The following PIK3CB variants were observed in gnomAD, a reference collection of about 807,000 sequenced individuals.
PIK3CB encodes phosphatidylinositol-4,5-bisphosphate 3-kinase catalytic subunit beta.
In PIK3CB, 39 loss-of-function variants were observed where a neutral mutation model predicts 136.8. The observed-to-expected ratio is 0.29, with a 90% confidence interval of 0.22 to 0.37. The LOEUF is 0.37. PIK3CB is among the 10% of genes least tolerant of loss of function. PIK3CB has a pLI of 1.00. For missense variants in PIK3CB, 868 were observed against 1,275.4 expected (o/e 0.68, Z 4.87); for synonymous variants, 428 against 436.6 (o/e 0.98, Z 0.25).
intron 4 of PIK3CB, among the ~76,000 whole-genome samples, chr3:138,747,856 A>C (rs994154089): frequency 6.6e-6 from 1 of 152,192 alleles, no homozygotes; most frequent in African/African-American, 2.4e-5. Context: ...TTGCTGAAGG[A>C]TGGGTTGTAC....
intron 15 of PIK3CB, among the ~76,000 whole-genome samples, chr3:138,690,085 TAAG>T (rs138688762): frequency 0.031 from 4,631 of 150,590 alleles, 89 homozygotes; most frequent in South Asian, 0.058. Context: ...AAGTTAAAAA[TAAG>T]AAAAGGTTCT....
intron 16 of PIK3CB, among the ~76,000 whole-genome samples, chr3:138,687,587 G>A (rs914701124): frequency 3.3e-5 from 5 of 151,878 alleles, no homozygotes; most frequent in African/African-American, 7.3e-5. Context: ...CTCCCACCTC[G>A]GCCTCTCAAG....
chr3:138,732,929 G>A (rs1243035587), intron 8 of PIK3CB, among the ~76,000 whole-genome samples: 1 of 151,526 alleles, frequency 6.6e-6, no homozygotes, highest in Non-Finnish European at 1.5e-5. Flanking sequence ...TACTCTCCTA[G>A]CAAATTCCTG....
chr3:138,752,700 C>G (rs570381841), intron 4 of PIK3CB, among the ~76,000 whole-genome samples: 1 of 151,062 alleles, frequency 6.6e-6, no homozygotes, highest in Non-Finnish European at 1.5e-5. Flanking sequence ...TAGAGTGAGA[C>G]CTCGTCTCAA....
chr3:138,705,119 C>T (rs395666), intron 11 of PIK3CB, among the ~76,000 whole-genome samples: 1 of 124,160 alleles, frequency 8.1e-6, no homozygotes, highest in African/African-American at 3.1e-5. Context: ...CCAAACTGAT[C>T]TTCTTCAAGA....
At chr3:138,819,998 CTTCTCAAGTGATT>C (rs1291700323) in intron 1 of PIK3CB, among the ~76,000 whole-genome samples, 1 of 152,124 alleles carries the variant, frequency 6.6e-6, no homozygotes, top group African/African-American at 2.4e-5. Context: ...TCAATAAAGC[CTTCTCAAGTGATT>C]TTGATGTGCA....
Position 138,783,955 on chromosome 3 carries a change from T to C in PIK3CB, c.-17+12508A>G, listed in dbSNP as rs540153533. Among the ~76,000 whole-genome samples, 8 of 152,290 alleles carry C rather than the reference T, an allele frequency of 5.3e-5. No individual in the cohort carries two copies. In the South Asian group the frequency reaches 6.2e-4, roughly 12 times the overall value. On this transcript the variant is annotated intron_variant, in intron 2 of 23. Transcript: ENST00000674063. ...ATATGGGGGAAAATGTTCAACCTCA[T>C]TGGTCACCAAGAAAATGTAAATTAA...
At chr3:138,738,884 A>G (rs1307183621) in intron 5 of PIK3CB, among the ~76,000 whole-genome samples, 1 of 152,222 alleles carries the variant, frequency 6.6e-6, no homozygotes, top group African/African-American at 2.4e-5. Flanking sequence ...ATTTAAATAA[A>G]TCACTCCCCT....
intron 19 of PIK3CB, among the ~76,000 whole-genome samples, chr3:138,674,871 C>T (rs769529905): frequency 2.0e-5 from 3 of 152,090 alleles, no homozygotes; most frequent in Non-Finnish European, 2.9e-5. Context: ...GCCTGGCCAA[C>T]GTGATGAAAC....
At chr3:138,793,941 G>A (rs1294733119) in intron 2 of PIK3CB, among the ~76,000 whole-genome samples, 2 of 152,110 alleles carry the variant, frequency 1.3e-5, no homozygotes, top group Admixed American at 6.6e-5. Flanking sequence ...TCAAAGTCTT[G>A]TGAGTTCTTT....
At chr3:138,701,609 A>AC (rs1446478207) in intron 12 of PIK3CB, among the ~76,000 whole-genome samples, 1 of 151,944 alleles carries the variant, frequency 6.6e-6, no homozygotes, top group Non-Finnish European at 1.5e-5. Flanking sequence ...ACATGGTGAA[A>AC]CCCCATCTCT....
chr3:138,709,577 A>G (rs767405680), intron 10 of PIK3CB, among the ~76,000 whole-genome samples: 8 of 152,182 alleles, frequency 5.3e-5, no homozygotes, highest in Non-Finnish European at 1.2e-4. Context: ...ATGGTAGATT[A>G]TTTGTAGTTT....
At chr3:138,700,679 C>A (rs1341905456) in intron 12 of PIK3CB, among the ~76,000 whole-genome samples, 3 of 148,530 alleles carry the variant, frequency 2.0e-5, no homozygotes, top group Non-Finnish European at 3.0e-5. Context: ...CAGAGCAAGA[C>A]CCTGACTCTA....
chr3:138,749,695 C>T (rs1363061135), intron 4 of PIK3CB, among the ~76,000 whole-genome samples: 1 of 152,120 alleles, frequency 6.6e-6, no homozygotes, highest in Non-Finnish European at 1.5e-5. Flanking sequence ...TTCCTTTCTC[C>T]ACCTCTCTTT....
At chr3:138,789,480 T>G (rs1167116278) in intron 2 of PIK3CB, among the ~76,000 whole-genome samples, 1 of 151,958 alleles carries the variant, frequency 6.6e-6, no homozygotes, top group Non-Finnish European at 1.5e-5. Flanking sequence ...AAAGAAAAAT[T>G]AAAGCATATG....
chr3:138,827,439 G>C (rs963796000), intron 1 of PIK3CB, among the ~76,000 whole-genome samples: 39 of 152,138 alleles, frequency 2.6e-4, no homozygotes, highest in African/African-American at 9.2e-4. Context: ...AAGATGGCTT[G>C]AGGCCAAGAG....
intron 2 of PIK3CB, among the ~76,000 whole-genome samples, chr3:138,776,197 T>A (rs969341097): frequency 1.3e-5 from 2 of 150,930 alleles, no homozygotes; most frequent in Non-Finnish European, 3.0e-5. Context: ...AAACTCCATC[T>A]CAACAAAAAA....
chr3:138,800,195 T>C (rs146182212), intron 1 of PIK3CB, among the ~76,000 whole-genome samples: 10 of 152,324 alleles, frequency 6.6e-5, no homozygotes, highest in South Asian at 4.1e-4. Context: ...ACAGTTAAGA[T>C]AGCAACCTAG....
At position 138,732,184 on chromosome 3, in the gene PIK3CB, G is replaced by A. The variant is rs546260423; in HGVS notation, c.1050+1177C>T. On this transcript the variant is annotated intron_variant, in intron 8 of 23. Transcript: ENST00000674063. ...CACACACTTTTCTTTTCTGAGGAGC[G>A]GTAAGAGTACCTAAAATCTACTTTC... Among the ~76,000 whole-genome samples, 17 of 152,038 alleles carry A rather than the reference G, an allele frequency of 1.1e-4. No individual in the cohort carries two copies. In the South Asian group the frequency reaches 2.3e-3, roughly 20 times the overall value.
Sources: gnomAD v4.1 joint callset for allele counts (sites outside exome capture counted in the v4.1 genomes callset) on GRCh38, gnomAD v4.1.1 for gene constraint, MANE v1.5 for transcripts, NCBI Gene and HGNC (gene_info 2026-07-23, HGNC 2026-07-21) for gene names.